USP15: variants seen among roughly 807,000 people sequenced by gnomAD.
USP15 encodes ubiquitin specific peptidase 15.
In USP15, 18 loss-of-function variants were observed where a neutral mutation model predicts 127.1. That is an observed-to-expected ratio of 0.14 (90% CI 0.10 to 0.21). USP15 has a LOEUF of 0.21. Ranked by LOEUF, USP15 falls within the 10% of genes least tolerant of loss-of-function variation. The probability of loss-of-function intolerance (pLI) is 1.00; values close to 1 mark genes in which losing one functional copy is unlikely to be tolerated. For synonymous variants in USP15, 364 were observed against 393.7 expected, an observed-to-expected ratio of 0.92 and a Z score of 0.89; for missense variants, 805 against 1,159.9, an observed-to-expected ratio of 0.69 and a Z score of 4.44.
intron 3 of USP15, among the ~76,000 whole-genome samples, chr12:62,308,035 C>T (rs569775536): frequency 3.0e-4 from 46 of 151,962 alleles, no homozygotes; most frequent in Admixed American, 9.2e-4. Flanking sequence ...AATTAAACTT[C>T]GTCATAGGTA....
At chr12:62,327,039 A>G (rs1435815506) in intron 6 of USP15, among the ~76,000 whole-genome samples, 1 of 152,198 alleles carries the variant, frequency 6.6e-6, no homozygotes, top group Non-Finnish European at 1.5e-5. Context: ...CTGATGCATG[A>G]GAATCACTTG....
At chr12:62,361,057 A>T (rs991240148) in intron 8 of USP15, among the ~76,000 whole-genome samples, 1 of 152,072 alleles carries the variant, frequency 6.6e-6, no homozygotes, top group South Asian at 2.1e-4. Context: ...TTGGACTAGA[A>T]TAGCCCTTCC....
chr12:62,336,350 C>CT (rs2065464770), intron 6 of USP15: 1 of 985,410 alleles, frequency 1.0e-6, no homozygotes, highest in Non-Finnish European at 1.2e-6. Context: ...TCAACCTAAA[C>CT]TGTCTTCATT....
At chr12:62,322,370 T>C (rs2065008051) in intron 5 of USP15, among the ~76,000 whole-genome samples, 2 of 152,098 alleles carry the variant, frequency 1.3e-5, no homozygotes, top group Non-Finnish European at 2.9e-5. Flanking sequence ...TCTCTTGACC[T>C]CTTGATCTGC....
At chr12:62,380,065 A>T (rs1051731690) in intron 8 of USP15, among the ~76,000 whole-genome samples, 2 of 152,008 alleles carry the variant, frequency 1.3e-5, no homozygotes, top group Admixed American at 1.3e-4. Context: ...AAATATGTAT[A>T]TGACTCTAAA....
intron 5 of USP15, among the ~76,000 whole-genome samples, chr12:62,323,732 A>G (rs1311183825): frequency 6.6e-6 from 1 of 152,188 alleles, no homozygotes; most frequent in Non-Finnish European, 1.5e-5. Context: ...TTCTTTATTT[A>G]AACCTTTTCA....
intron 4 of USP15, among the ~76,000 whole-genome samples, chr12:62,319,751 C>T (rs2064931969): frequency 6.6e-6 from 1 of 152,044 alleles, no homozygotes; most frequent in Non-Finnish European, 1.5e-5. Context: ...TACACAGATG[C>T]CTGTATTAAT....
intron 1 of USP15, among the ~76,000 whole-genome samples, chr12:62,265,949 TTAGTAGCAGAATTCTAC>T (rs151327124): frequency 0.11 from 16,003 of 152,246 alleles, 889 homozygotes; most frequent in Middle Eastern, 0.17. Flanking sequence ...TATTTTATAT[TTAGTAGCAGAATTCTAC>T]CATTTGCCTC....
At chr12:62,291,570 T>G (rs529032652) in intron 1 of USP15, among the ~76,000 whole-genome samples, 2 of 152,354 alleles carry the variant, frequency 1.3e-5, no homozygotes, top group South Asian at 4.1e-4. Flanking sequence ...GAGGGTATCG[T>G]AACACCCTGT....
rs530932033 is a variant in USP15, at chr12:62,391,449, G to A, written c.2233+20G>A. The A allele has an allele frequency of 3.2e-6, 5 of 1,581,892 alleles. No individual in the cohort carries two copies. The African/African-American group carries it at 4.1e-5, about 13-fold the overall frequency. On this transcript the variant is annotated intron_variant, in intron 16 of 21. Coordinates refer to ENST00000280377, the MANE Select transcript of USP15 (RefSeq NM_001252078.2). Reference sequence around the variant, plus strand: ...TAGATGGTAAGTATTTGTGAAAAATGGCTTGAACATTAAACAAGCCGAGCA... The same window carrying A: ...TAGATGGTAAGTATTTGTGAAAAATAGCTTGAACATTAAACAAGCCGAGCA...
At chr12:62,324,838 CTAAA>C (rs2065083726) in intron 5 of USP15, among the ~76,000 whole-genome samples, 1 of 151,782 alleles carries the variant, frequency 6.6e-6, no homozygotes, top group Admixed American at 6.6e-5. Context: ...TAGCTAGGCT[CTAAA>C]TGCCAATTTA....
At chr12:62,359,628 G>A (rs777303058) in intron 8 of USP15, among the ~76,000 whole-genome samples, 2 of 151,914 alleles carry the variant, frequency 1.3e-5, no homozygotes, top group Admixed American at 6.6e-5. Context: ...CTTTTTCCAC[G>A]TGGACCTTAG....
At chr12:62,367,294 T>C (rs1209448464) in intron 8 of USP15, among the ~76,000 whole-genome samples, 1 of 151,928 alleles carries the variant, frequency 6.6e-6, no homozygotes, top group Non-Finnish European at 1.5e-5. Context: ...TGCAGTGGCG[T>C]GATCTCAGCT....
At chr12:62,374,564 A>G (rs1171242740) in intron 8 of USP15, 2 of 985,650 alleles carry the variant, frequency 2.0e-6, no homozygotes, top group African/African-American at 1.7e-5. Flanking sequence ...ATGCATTACA[A>G]GTTATTGGGA....
intron 6 of USP15, among the ~76,000 whole-genome samples, chr12:62,347,537 A>G (rs1204704341): frequency 2.0e-5 from 3 of 152,036 alleles, no homozygotes; most frequent in African/African-American, 7.2e-5. Flanking sequence ...TTAATTTATT[A>G]TAACTCAGTC....
At chr12:62,404,137 G>A in intron 21 of USP15, 56 bp from the exon 22 acceptor site, 2 of 1,474,028 alleles carry the variant, frequency 1.4e-6, no homozygotes, top group Non-Finnish European at 1.8e-6. Flanking sequence ...AATTCATAAT[G>A]TATTTAACGT....
chr12:62,294,144 G>A, intron 1 of USP15, 35 bp from the exon 2 acceptor site: 1 of 1,603,420 alleles, frequency 6.2e-7, no homozygotes, highest in Non-Finnish European at 8.5e-7. Flanking sequence ...TGTATTTTCA[G>A]GTATTTTCCT....
chr12:62,349,269 A>G lies in USP15; in HGVS notation c.732A>G (p.Ser244=), dbSNP rs1369645614. ...NFSTLPKISP[S]SLSNNYNNMN... ...CAACTTTACCAAAGATCTCTCCTTC[A>G]TCTCTATCAAATAATTATAACAACA... Residue 244 remains serine, a synonymous_variant, in exon 7 of 22, where the codon TCA becomes TCG. Transcript: ENST00000280377. The G allele has an allele frequency of 2.0e-6, 3 of 1,506,906 alleles. No homozygotes were observed. The highest frequency in any genetic ancestry group is 1.3e-5 in the South Asian group (1 of 78,274). 93.3% of individuals were successfully genotyped at this position (1,506,906 alleles called of 1,614,324 possible). A position where few individuals can be genotyped will look rare whatever the true frequency, so the allele number is the denominator to read the frequency against.
At position 62,416,129 on chromosome 12, in the gene USP15, T is replaced by C. The variant is rs1368147609; in HGVS notation, c.*11754T>C. ...TGTCATACTACTTGACAATGGGGCT[T>C]TCCCACATTTGTCCCACATTTGCAT... On this transcript the variant is annotated 3_prime_UTR_variant, in exon 22 of 22. Transcript: ENST00000280377. 1 of 152,244 alleles carries C rather than the reference T, an allele frequency of 6.6e-6. No homozygotes were observed. Among genetic ancestry groups the C allele is most frequent in the Non-Finnish European group, 1.5e-5 (1 of 68,050 alleles). 9.4% of individuals were successfully genotyped at this position (152,244 alleles called of 1,614,324 possible).
Sources: allele counts gnomAD v4.1 joint callset (sites outside exome capture counted in the v4.1 genomes callset), GRCh38; gene constraint gnomAD v4.1.1; transcripts MANE v1.5; gene names NCBI Gene and HGNC (gene_info 2026-07-23, HGNC 2026-07-21).